The following USP34 variants were observed in gnomAD, a reference collection of about 807,000 sequenced individuals.
USP34 encodes ubiquitin specific peptidase 34, also known as ubiquitin carboxyl-terminal hydrolase 34.
In USP34, 70 loss-of-function variants were observed where a neutral mutation model predicts 460.3. The observed-to-expected ratio is 0.15, with a 90% confidence interval of 0.13 to 0.19. The LOEUF (loss-of-function observed/expected upper bound fraction) is 0.19, where lower values mean the gene tolerates loss of function less well. Among genes scored for constraint, USP34 ranks in the 10% least tolerant of loss-of-function variants. USP34 has a pLI of 1.00. For synonymous variants in USP34, 1,647 were observed against 1,405.3 expected, an observed-to-expected ratio of 1.17 and a Z score of -3.85; for missense variants, 3,985 against 4,236.2, an observed-to-expected ratio of 0.94 and a Z score of 1.65.
intron 12 of USP34, among the ~76,000 whole-genome samples, chr2:61,349,978 T>A (rs748246929): frequency 1.4e-4 from 21 of 151,794 alleles, no homozygotes; most frequent in Non-Finnish European, 2.4e-4. Context: ...GAAACAAAAC[T>A]TGTTTGTTTA....
At position 61,256,364 on chromosome 2, in the gene USP34, T is replaced by C; in HGVS notation, c.6221+20A>G. 6.3e-7 allele frequency: 1 copy of C among 1,590,416 alleles called. No homozygotes were observed. The highest frequency in any genetic ancestry group is 1.1e-5 in the South Asian group (1 of 89,832). Reference sequence around the variant, plus strand: ...ACTTCTACGGTGAACATAATAAAAATCACATTTGAAAAAGCATACCTTTTT... The same window carrying C: ...ACTTCTACGGTGAACATAATAAAAACCACATTTGAAAAAGCATACCTTTTT... On this transcript the variant is annotated intron_variant, in intron 48 of 79. Coordinates refer to ENST00000398571, the MANE Select transcript of USP34 (RefSeq NM_014709.4).
Position 61,454,195 on chromosome 2 carries a change from G to A in USP34, c.43+16455C>T, listed in dbSNP as rs1695365523. On this transcript the variant is annotated intron_variant, in intron 1 of 79. Transcript: ENST00000398571. ...TCTGTCACCCAGGGGTGTGATCTCA[G>A]CTACCTGCAACCTCCACCTCCCAGG... Among the ~76,000 whole-genome samples the A allele has an allele frequency of 9.8e-5, 15 of 152,306 alleles. No homozygotes were observed. The South Asian group carries it at 2.9e-3, about 29-fold the overall frequency.
At chr2:61,451,658 G>C (rs1695280648) in intron 1 of USP34, among the ~76,000 whole-genome samples, 1 of 151,204 alleles carries the variant, frequency 6.6e-6, no homozygotes, top group Non-Finnish European at 1.5e-5. Context: ...CTCCAACCTG[G>C]GCAACAAGAG....
chr2:61,335,640 T>A (rs908298349), intron 18 of USP34, among the ~76,000 whole-genome samples: 3 of 152,070 alleles, frequency 2.0e-5, no homozygotes, highest in African/African-American at 2.4e-5. Context: ...TCCCACCTCC[T>A]CAGCAGGCTG....
In USP34 at chr2:61,470,662, C is replaced by T. The variant is rs371125134; in HGVS notation, c.31G>A (p.Val11Met). 7.5e-6 allele frequency: 12 copies of T among 1,597,116 alleles called. No individual in the cohort carries two copies. The highest frequency in any genetic ancestry group is 1.0e-5 in the Non-Finnish European group (12 of 1,171,984). ...CGCGGCTACTTACTTTCATTTAACA[C>T]CTCCACCAGGTCTGCGCAGTTCTCG... is the stretch of plus-strand genomic sequence containing the variant. MCENCADLVE[V>M]LNEISDVEGG... Residue 11 changes from valine to methionine, a missense_variant, in exon 1 of 80, where the codon GTG (valine) becomes ATG (methionine). This residue lies in a region of USP34 where 331 missense variants were observed against 293.7 expected (regional missense o/e 1.13). Transcript: ENST00000398571.
intron 75 of USP34, 161 bp from the exon 76 acceptor site, chr2:61,193,141 A>G: frequency 1.7e-6 from 1 of 589,636 alleles, no homozygotes; most frequent in Admixed American, 3.3e-5. Flanking sequence ...ATGTTTAGTG[A>G]AATATCTTAG....
chr2:61,420,944 C>A (rs1694336369), intron 1 of USP34, 111 bp from the exon 2 acceptor site: 2 of 660,438 alleles, frequency 3.0e-6, no homozygotes, highest in South Asian at 5.6e-5. Context: ...GATAATCATT[C>A]TTTTGCTTCC....
In USP34 at chr2:61,330,899, TGTTA is replaced by T. The variant is rs1401291683; in HGVS notation, c.2930+373_2930+376del. 2.0e-5 allele frequency among the ~76,000 whole-genome samples: 3 copies of T among 152,298 alleles called. No individual in the cohort carries two copies. The South Asian group carries it at 6.2e-4, about 32-fold the overall frequency. ...TTATAATAAAATGTTTTAAATTAAC[TGTTA>T]ATTATTTTTGAAGTAAATATTTACA... On this transcript the variant is annotated intron_variant, in intron 20 of 79. Coordinates refer to ENST00000398571, the MANE Select transcript of USP34 (RefSeq NM_014709.4).
At chr2:61,339,702 AAG>A (rs967715329) in intron 16 of USP34, 21 bp from the exon 17 acceptor site, 2 of 1,308,292 alleles carry the variant, frequency 1.5e-6, no homozygotes, top group African/African-American at 3.0e-5. Flanking sequence ...AAAAAAAAAA[AAG>A]ACACACTATA....
intron 1 of USP34, among the ~76,000 whole-genome samples, chr2:61,435,786 TG>T (rs1355288049): frequency 6.6e-6 from 1 of 151,980 alleles, no homozygotes; most frequent in Non-Finnish European, 1.5e-5. Flanking sequence ...CCCAGCACTT[TG>T]GGAGGCCACG....
At chr2:61,395,145 A>T in intron 4 of USP34, 38 bp downstream of exon 4, 11 of 1,482,214 alleles carry the variant, frequency 7.4e-6, no homozygotes, top group Non-Finnish European at 1.0e-5. Context: ...TAAAAAAATA[A>T]AATTTTCCAT....
chr2:61,437,402 G>A lies in USP34; in HGVS notation c.44-16569C>T, dbSNP rs189508940. Among the ~76,000 whole-genome samples the A allele has an allele frequency of 1.9e-4, 29 of 152,192 alleles. No individual in the cohort carries two copies. In the East Asian group the frequency reaches 3.5e-3, roughly 18 times the overall value. On this transcript the variant is annotated intron_variant, in intron 1 of 79. Coordinates refer to ENST00000398571, the MANE Select transcript of USP34 (RefSeq NM_014709.4). ...TCATTAGAGACTGCTGACCAACTACGCAGCAATAAATTTAAAAACCTAGAG... is the reference window on the plus strand; with the variant it reads ...TCATTAGAGACTGCTGACCAACTACACAGCAATAAATTTAAAAACCTAGAG...
At position 61,343,967 on chromosome 2, in the gene USP34, G is replaced by A. The variant is rs754786753; in HGVS notation, c.2348C>T (p.Ala783Val). The change falls in exon 16 of 80, where the codon GCA (alanine) becomes GTA (valine). Residue 783 changes from alanine to valine, a missense_variant. By Grantham distance (64) the Ala-to-Val change is moderately conservative. This residue lies in a region of USP34 where 716 missense variants were observed against 626.2 expected (regional missense o/e 1.14). Transcript: ENST00000398571. ...DVSCSSSQVS[A>V]KSEKNMADFD... ...ATCAGCCATATTTTTTTCTGATTTT[G>A]CACTAACCTGGGAGCTACTACAACT... The A allele has an allele frequency of 5.0e-6, 8 of 1,613,722 alleles. No homozygotes were observed. The highest frequency in any genetic ancestry group is 6.8e-6 in the Non-Finnish European group (8 of 1,179,894).
intron 10 of USP34, among the ~76,000 whole-genome samples, chr2:61,351,776 G>A (rs890682811): frequency 6.6e-6 from 1 of 151,920 alleles, no homozygotes; most frequent in African/African-American, 2.4e-5. Flanking sequence ...ATCTTGGTGA[G>A]GCTTCTTATA....
rs754585978 is a variant in USP34 at position 61,236,084 on chromosome 2, AGAT to A, written c.6919-14_6919-12del. On this transcript the variant is annotated splice_polypyrimidine_tract_variant and intron_variant, in intron 55 of 79. Transcript: ENST00000398571. ...AAAGGAAGTGCTTAACTGTAAGAAA[AGAT>A]AAAGCAAAAAAGCTTCAATCATTTT... 6.3e-7 allele frequency: 1 copy of A among 1,598,814 alleles called. No individual in the cohort carries two copies. Among genetic ancestry groups the A allele is most frequent in the East Asian group, 2.2e-5 (1 of 44,736 alleles).
intron 1 of USP34, among the ~76,000 whole-genome samples, chr2:61,449,864 G>A (rs899958274): frequency 9.2e-5 from 14 of 151,986 alleles, no homozygotes; most frequent in African/African-American, 2.4e-4. Flanking sequence ...TCAGGAGTGC[G>A]AGACCAGCCT....
intron 10 of USP34, among the ~76,000 whole-genome samples, chr2:61,359,461 A>C (rs1692208484): frequency 1.3e-5 from 2 of 152,250 alleles, no homozygotes. Context: ...AAATACTTAA[A>C]AGAAAAATCT....
Position 61,211,798 on chromosome 2 carries a change from G to T in USP34, c.8814C>A (p.Gly2938=), listed in dbSNP as rs763978644. The change falls in exon 69 of 80, where the codon GGC becomes GGA. Residue 2938 remains glycine, a synonymous_variant. Coordinates refer to ENST00000398571, the MANE Select transcript of USP34 (RefSeq NM_014709.4). ...TTATTAAAGTAGTCCAGCAGGAGCG[G>T]CCATCTAAGCAACGTAAGTAACAAC... ...TISCYLRCLD[G]RSCWTTLISA... 2 of 1,586,718 alleles carry T rather than the reference G, an allele frequency of 1.3e-6. No individual in the cohort carries two copies. Among genetic ancestry groups the T allele is most frequent in the Non-Finnish European group, 1.7e-6 (2 of 1,171,492 alleles).
Position 61,268,346 on chromosome 2 carries a change from C to T in USP34, c.5434-2179G>A, listed in dbSNP as rs540516019. On this transcript the variant is annotated intron_variant, in intron 41 of 79. Coordinates refer to ENST00000398571, the MANE Select transcript of USP34 (RefSeq NM_014709.4). ...GAGGTGAGGTCTAGTGAGAGGTGTTCGAGTCATCAGGGTGTATCCCTGAAG... is the reference window on the plus strand; with the variant it reads ...GAGGTGAGGTCTAGTGAGAGGTGTTTGAGTCATCAGGGTGTATCCCTGAAG... Among the ~76,000 whole-genome samples the T allele has an allele frequency of 1.2e-4, 17 of 139,432 alleles. No individual in the cohort carries two copies. In the South Asian group the frequency reaches 2.5e-3, roughly 21 times the overall value. The allele number at this position is 139,432 out of a possible 152,430, so 91.5% of individuals were successfully genotyped here. A position where few individuals can be genotyped will look rare whatever the true frequency, so the allele number is the denominator to read the frequency against.
Sources: allele counts gnomAD v4.1 joint callset (sites outside exome capture counted in the v4.1 genomes callset), GRCh38; gene constraint gnomAD v4.1.1; regional missense constraint gnomAD v4.1.1; transcripts MANE v1.5; gene names NCBI Gene and HGNC (gene_info 2026-07-23, HGNC 2026-07-21).